Variants in RFX3 observed in about 807,000 individuals in gnomAD.
The protein encoded by RFX3 is regulatory factor X3, also known as transcription factor RFX3.
RFX3 carries 14 observed loss-of-function variants against 98.6 expected under a neutral mutation model. The observed-to-expected ratio is 0.14, with a 90% CI of 0.09 to 0.22. RFX3 has a LOEUF of 0.22. RFX3 is among the 10% of genes least tolerant of loss of function. The probability of loss-of-function intolerance (pLI) is 1.00; values close to 1 mark genes in which losing one functional copy is unlikely to be tolerated. For synonymous variants in RFX3, 383 were observed against 328.4 expected (o/e 1.17, Z -1.80); for missense variants, 639 against 926.9 (o/e 0.69, Z 4.03).
chr9:3,504,532 A>T (rs982651449), intron 1 of RFX3, among the ~76,000 whole-genome samples: 2 of 135,460 alleles, frequency 1.5e-5, no homozygotes, highest in African/African-American at 5.7e-5. Flanking sequence ...AATATATATT[A>T]TATGCCATAT....
rs1360545349 is a variant in RFX3 at position 3,500,800 on chromosome 9, G to C, written c.-9+24947C>G. On this transcript the variant is annotated intron_variant, in intron 1 of 16. Transcript: ENST00000617270. Reference sequence around the variant, plus strand: ...TATACTAGTCACAAGGCACGTGTTAGGCAAATGTGTTAACTTCCAAAACAG... The same window carrying C: ...TATACTAGTCACAAGGCACGTGTTACGCAAATGTGTTAACTTCCAAAACAG... Among the ~76,000 whole-genome samples the C allele has an allele frequency of 2.6e-5, 4 of 152,136 alleles. No homozygotes were observed. The East Asian group carries it at 7.7e-4, about 29-fold the overall frequency.
chr9:3,365,028 G>A (rs547432342), intron 2 of RFX3, among the ~76,000 whole-genome samples: 152 of 152,250 alleles, frequency 1.0e-3, no homozygotes, highest in African/African-American at 3.5e-3. Context: ...CAGGCCGGGC[G>A]TGGTGGCTCA....
intron 1 of RFX3, among the ~76,000 whole-genome samples, chr9:3,423,721 AAACTC>A (rs145358256): frequency 0.027 from 4,017 of 149,164 alleles, 194 homozygotes; most frequent in African/African-American, 0.094. Context: ...TAAATTTTAA[AAACTC>A]AACTCAACAT....
intron 6 of RFX3, among the ~76,000 whole-genome samples, chr9:3,289,386 A>G (rs1163233620): frequency 6.6e-6 from 1 of 152,104 alleles, no homozygotes; most frequent in Non-Finnish European, 1.5e-5. Context: ...AGATAGAGAA[A>G]CTTAACGCCC....
chr9:3,383,173 G>A (rs1041315675), intron 2 of RFX3, among the ~76,000 whole-genome samples: 1 of 151,826 alleles, frequency 6.6e-6, no homozygotes, highest in African/African-American at 2.4e-5. Context: ...CTTTTTTTAA[G>A]GTTCTATATT....
intron 1 of RFX3, among the ~76,000 whole-genome samples, chr9:3,510,744 T>C (rs1817590788): frequency 6.6e-6 from 1 of 152,054 alleles, no homozygotes; most frequent in African/African-American, 2.4e-5. Context: ...ATGTACATTC[T>C]ATAATCTTCT....
intron 1 of RFX3, among the ~76,000 whole-genome samples, chr9:3,504,857 GATATAAT>G (rs1159201029): frequency 6.6e-4 from 17 of 25,802 alleles, no homozygotes; most frequent in Admixed American, 1.7e-3. Flanking sequence ...TATTATATAT[GATATAAT>G]ATATATTATA....
chr9:3,340,908 A>T (rs528856751), intron 3 of RFX3, among the ~76,000 whole-genome samples: 6 of 152,236 alleles, frequency 3.9e-5, no homozygotes, highest in Non-Finnish European at 7.3e-5. Flanking sequence ...TACTGGGTAC[A>T]TACCCAAAGG....
chr9:3,453,304 G>A (rs1417562529), intron 1 of RFX3, among the ~76,000 whole-genome samples: 3 of 151,806 alleles, frequency 2.0e-5, no homozygotes, highest in African/African-American at 7.3e-5. Flanking sequence ...AGTTCATTAG[G>A]GAACTAAATA....
chr9:3,525,129 C>T (rs1819127960), intron 1 of RFX3, among the ~76,000 whole-genome samples: 1 of 151,680 alleles, frequency 6.6e-6, no homozygotes, highest in South Asian at 2.1e-4. Flanking sequence ...CCATTCAGCA[C>T]CAGGCAAAGA....
intron 1 of RFX3, among the ~76,000 whole-genome samples, chr9:3,453,366 C>T (rs917613228): frequency 2.0e-5 from 3 of 151,646 alleles, no homozygotes; most frequent in Non-Finnish European, 4.4e-5. Flanking sequence ...TAGAAATGCC[C>T]CAAATCCTAA....
chr9:3,349,246 T>A (rs1305944571), intron 2 of RFX3, among the ~76,000 whole-genome samples: 2 of 152,032 alleles, frequency 1.3e-5, no homozygotes, highest in African/African-American at 2.4e-5. Flanking sequence ...TCATGAAATT[T>A]TATGGTTTCA....
In RFX3 at chr9:3,328,107, G is replaced by A. The variant is rs183331559; in HGVS notation, c.474+2152C>T. 6.2e-3 allele frequency among the ~76,000 whole-genome samples: 940 copies of A among 152,160 alleles called. 6 individuals are homozygous for A. The highest frequency in any genetic ancestry group is 0.021 in the South Asian group (100 of 4,826). On this transcript the variant is annotated intron_variant, in intron 4 of 16. Transcript: ENST00000617270. ...TGAGGTAGGAAAGGAATGGGGTTTC[G>A]AAGGATGGTAGGTTAGGATAAGACA...
chr9:3,501,550 CCTT>C (rs918883423), intron 1 of RFX3, among the ~76,000 whole-genome samples: 13 of 148,564 alleles, frequency 8.8e-5, no homozygotes, highest in Non-Finnish European at 1.8e-4. Flanking sequence ...ATATTTTTTT[CCTT>C]CTTTTTTTTT....
At chr9:3,341,483 T>C (rs1462162301) in intron 3 of RFX3, among the ~76,000 whole-genome samples, 1 of 152,026 alleles carries the variant, frequency 6.6e-6, no homozygotes, top group South Asian at 2.1e-4. Flanking sequence ...TATTGTAATG[T>C]GGAGAAGCAA....
intron 15 of RFX3, chr9:3,247,396 T>A (rs1181976113): frequency 5.6e-6 from 5 of 898,658 alleles, no homozygotes; most frequent in Non-Finnish European, 6.7e-6. Flanking sequence ...AAAAAAAATC[T>A]CTACCATTTT....
intron 14 of RFX3, among the ~76,000 whole-genome samples, chr9:3,254,959 AG>A (rs1821916374): frequency 6.6e-6 from 1 of 152,216 alleles, no homozygotes; most frequent in Non-Finnish European, 1.5e-5. Flanking sequence ...TGTGGGCTAA[AG>A]GTGTTAAATA....
At chr9:3,499,435 A>G (rs1341252877) in intron 1 of RFX3, among the ~76,000 whole-genome samples, 1 of 152,046 alleles carries the variant, frequency 6.6e-6, no homozygotes, top group Non-Finnish European at 1.5e-5. Context: ...ATTTTATATT[A>G]ATTATAAAAT....
At chr9:3,388,161 G>T (rs537753061) in intron 2 of RFX3, among the ~76,000 whole-genome samples, 1 of 152,106 alleles carries the variant, frequency 6.6e-6, no homozygotes, top group South Asian at 2.1e-4. Context: ...CAGAAGTGAA[G>T]ATGGAAATGA....
Sources: gnomAD v4.1 joint callset for allele counts (sites outside exome capture counted in the v4.1 genomes callset) on GRCh38, gnomAD v4.1.1 for gene constraint, MANE v1.5 for transcripts, NCBI Gene and HGNC (gene_info 2026-07-23, HGNC 2026-07-21) for gene names.